RTEL1: variants seen among roughly 807,000 people sequenced by gnomAD.
RTEL1 encodes regulator of telomere elongation helicase 1, also known as regulator of telomere length.
A neutral mutation model predicts 162.2 loss-of-function variants in RTEL1; 86 were observed. That is an observed-to-expected ratio of 0.53 (90% confidence interval 0.45 to 0.63). The LOEUF (loss-of-function observed/expected upper bound fraction) is 0.63, where lower values mean the gene tolerates loss of function less well. Among genes scored for constraint, RTEL1 ranks in the 30% least tolerant of loss-of-function variants. The pLI, the probability that RTEL1 is intolerant of heterozygous loss-of-function variation, is 0.00. For missense variants in RTEL1, 1,941 were observed against 1,750.2 expected, an observed-to-expected ratio of 1.11 and a Z score of -1.95; for synonymous variants, 958 against 717.9, an observed-to-expected ratio of 1.33 and a Z score of -5.35.
intron 30 of RTEL1, 73 bp from the exon 31 acceptor site, chr20:63,694,299 G>GGCCAGCCC: frequency 1.2e-6 from 1 of 841,720 alleles, no homozygotes; most frequent in Non-Finnish European, 2.0e-6. Context: ...TCCCTAGCCA[G>GGCCAGCCC]CCCTGCCCCC....
rs779999962 is a variant in RTEL1, at chr20:63,695,187, G to A, written c.3465G>A (p.Val1155=). ...PPGPQEERLA[V]PPVLTHRAPQ... is the part of the protein sequence containing the mutation. ...GACCCCAGGAGGAGAGGCTTGCCGT[G>A]CCTCCTGTGCTTACCCACAGGGCTC... The change falls in exon 33 of 35, where the codon GTG becomes GTA. Residue 1155 remains valine, a synonymous_variant. Coordinates refer to ENST00000360203, the MANE Select transcript of RTEL1 (RefSeq NM_001283009.2). The A allele has an allele frequency of 3.4e-5, 55 of 1,612,060 alleles. No individual in the cohort carries two copies. In the East Asian group the frequency reaches 1.2e-3, roughly 35 times the overall value.
rs1451108755 is a variant in RTEL1, at chr20:63,689,741, G to A, written c.2026-9G>A. On this transcript the variant is annotated splice_polypyrimidine_tract_variant and intron_variant, in intron 23 of 34. Transcript: ENST00000360203. ...GGAGCCCCCGTGACCGAGCCGCCTC[G>A]CCCCACAGTTCCTCTCTGGGCAGGA... The A allele has an allele frequency of 2.5e-6, 4 of 1,610,160 alleles. No homozygotes were observed. Among genetic ancestry groups the A allele is most frequent in the East Asian group, 2.2e-5 (1 of 44,812 alleles).
In RTEL1 at chr20:63,689,482, C is replaced by T; in HGVS notation, c.1879-20C>T. 1 of 1,547,348 alleles carries T rather than the reference C, an allele frequency of 6.5e-7. No individual in the cohort carries two copies. The highest frequency in any genetic ancestry group is 8.7e-7 in the Non-Finnish European group (1 of 1,146,450). On this transcript the variant is annotated intron_variant, in intron 22 of 34. Transcript: ENST00000360203. ...GAGGAGCCCCCACGGCCCCAGGCAGCTCCCTGGTGTGTCCCCTAGGCCAGC... is the reference window on the plus strand; with the variant it reads ...GAGGAGCCCCCACGGCCCCAGGCAGTTCCCTGGTGTGTCCCCTAGGCCAGC...
At chr20:63,671,268 C>G (rs896077493) in intron 8 of RTEL1, among the ~76,000 whole-genome samples, 1 of 151,622 alleles carries the variant, frequency 6.6e-6, no homozygotes, top group African/African-American at 2.4e-5. Flanking sequence ...GCCATGTTGG[C>G]CAGGCTGGTC....
chr20:63,678,230 CCTT>C, intron 11 of RTEL1, 35 bp from the exon 12 acceptor site: 1 of 1,613,078 alleles, frequency 6.2e-7, no homozygotes, highest in South Asian at 1.1e-5. Context: ...GGGGCCTCCT[CCTT>C]GCGAGGAGGT....
chr20:63,684,117 A>G (rs1244292145), intron 14 of RTEL1, among the ~76,000 whole-genome samples: 1 of 152,012 alleles, frequency 6.6e-6, no homozygotes, highest in Non-Finnish European at 1.5e-5. Context: ...TATTCTCCAA[A>G]CTGCACTGTA....
intron 10 of RTEL1, among the ~76,000 whole-genome samples, chr20:63,676,076 C>G (rs920308603): frequency 2.6e-5 from 4 of 152,072 alleles, no homozygotes; most frequent in Non-Finnish European, 5.9e-5. Flanking sequence ...ATCTGTTCCC[C>G]CACCCCTTTG....
At chr20:63,673,136 A>G (rs2090279539) in intron 9 of RTEL1, among the ~76,000 whole-genome samples, 2 of 151,898 alleles carry the variant, frequency 1.3e-5, no homozygotes, top group South Asian at 2.1e-4. Context: ...GCTCATGCCT[A>G]TAATCCCAGC....
rs1213062669 is a variant in RTEL1 at position 63,695,957 on chromosome 20, T to C, written c.*99T>C. ...CCACCCAACAGAATAGGCCAGCCCA[T>C]GCCAGCCGGCTTGGCCCGCTGCAGG... On this transcript the variant is annotated 3_prime_UTR_variant, in exon 35 of 35. Coordinates refer to ENST00000360203, the MANE Select transcript of RTEL1 (RefSeq NM_001283009.2). 1.4e-4 allele frequency: 173 copies of C among 1,254,256 alleles called. No individual in the cohort carries two copies. Among genetic ancestry groups the C allele is most frequent in the Non-Finnish European group, 1.8e-4 (166 of 907,504 alleles). 77.7% of individuals were successfully genotyped at this position (1,254,256 alleles called of 1,614,324 possible).
At chr20:63,663,612 A>G (rs1166228414) in intron 6 of RTEL1, among the ~76,000 whole-genome samples, 1 of 152,000 alleles carries the variant, frequency 6.6e-6, no homozygotes, top group Non-Finnish European at 1.5e-5. Context: ...GGCAGGGTGC[A>G]CCCCCGTTGG....
At chr20:63,692,464 C>T in intron 28 of RTEL1, 1 of 382,492 alleles carries the variant, frequency 2.6e-6, no homozygotes, top group Non-Finnish European at 4.9e-6. Flanking sequence ...TCCTGGGAGC[C>T]TCAGCCGCAT....
chr20:63,685,863 A>G lies in RTEL1; in HGVS notation c.1339A>G (p.Arg447Gly). The G allele has an allele frequency of 6.2e-7, 1 of 1,612,552 alleles. No homozygotes were observed. The highest frequency in any genetic ancestry group is 1.1e-5 in the South Asian group (1 of 91,000). ...RSDAWSTTAARKRGKVLSYWC... is the reference protein window; with the variant it reads ...RSDAWSTTAAGKRGKVLSYWC... ...TGATGCCTGGAGCACCACTGCAGCC[A>G]GAAAGCGAGGTACAGACCTGGGCCC... The change falls in exon 16 of 35, where the codon AGA (arginine) becomes GGA (glycine). Residue 447 changes from arginine to glycine, a missense_variant. Physicochemically the swap from Arg to Gly is moderately radical, Grantham distance 125. Coordinates refer to ENST00000360203, the MANE Select transcript of RTEL1 (RefSeq NM_001283009.2).
intron 26 of RTEL1, 150 bp downstream of exon 26, chr20:63,690,591 C>T: frequency 8.2e-7 from 1 of 1,212,678 alleles, no homozygotes; most frequent in Non-Finnish European, 1.1e-6. Flanking sequence ...CCTCCTAGGG[C>T]AGGGCCCCCA....
Position 63,689,495 on chromosome 20 carries a change from C to G in RTEL1, c.1879-7C>G. On this transcript the variant is annotated splice_polypyrimidine_tract_variant and splice_region_variant and intron_variant, in intron 22 of 34. Transcript: ENST00000360203. Reference sequence around the variant, plus strand: ...GGCCCCAGGCAGCTCCCTGGTGTGTCCCCTAGGCCAGCGAGGGGCTGGACT... The same window carrying G: ...GGCCCCAGGCAGCTCCCTGGTGTGTGCCCTAGGCCAGCGAGGGGCTGGACT... 1 of 1,581,206 alleles carries G rather than the reference C, an allele frequency of 6.3e-7. No individual in the cohort carries two copies. Among genetic ancestry groups the G allele is most frequent in the Non-Finnish European group, 8.6e-7 (1 of 1,164,260 alleles).
At position 63,694,477 on chromosome 20, in the gene RTEL1, C is replaced by G. The variant is rs2090916448; in HGVS notation, c.3098C>G (p.Pro1033Arg). The change falls in exon 31 of 35, where the codon CCA becomes CGA. Residue 1033 changes from proline (P) to arginine (R), a missense_variant. Coordinates refer to ENST00000360203, the MANE Select transcript of RTEL1 (RefSeq NM_001283009.2). ...GGCAGGCCCCACCTGTCGCCCAGGC[C>G]ACCCCCAACAGGTAGCTGACTCCTG... is the stretch of plus-strand genomic sequence containing the variant. The part of the protein sequence containing the change: ...NQGRPHLSPR[P>R]PPTGDPGSQP... The G allele has an allele frequency of 6.3e-7, 1 of 1,598,672 alleles. No individual in the cohort carries two copies. Among genetic ancestry groups the G allele is most frequent in the African/African-American group, 1.3e-5 (1 of 74,660 alleles).
chr20:63,694,484 A>G lies in RTEL1; in HGVS notation c.3105A>G (p.Pro1035=). 2 of 1,595,368 alleles carry G rather than the reference A, an allele frequency of 1.3e-6. No homozygotes were observed. Among genetic ancestry groups the G allele is most frequent in the Non-Finnish European group, 1.7e-6 (2 of 1,165,966 alleles). Residue 1035 remains proline, a synonymous_variant, in exon 31 of 35, where the codon CCA becomes CCG. Transcript: ENST00000360203. The part of the protein sequence containing the change: ...GRPHLSPRPP[P]TGDPGSQPQW... ...CCCACCTGTCGCCCAGGCCACCCCC[A>G]ACAGGTAGCTGACTCCTGAACCGTG...
intron 2 of RTEL1, among the ~76,000 whole-genome samples, chr20:63,660,460 A>G (rs1022390525): frequency 5.3e-5 from 8 of 152,226 alleles, no homozygotes; most frequent in Non-Finnish European, 1.2e-4. Context: ...GCCTGTAAAC[A>G]TATTGTTAAC....
chr20:63,689,955 G>A (rs1003451706), intron 24 of RTEL1, 90 bp downstream of exon 24: 79 of 1,551,542 alleles, frequency 5.1e-5, no homozygotes, highest in Middle Eastern at 3.7e-4. Context: ...ATGAGGCCCC[G>A]TCTCCTCCAG....
intron 14 of RTEL1, chr20:63,681,930 C>T (rs1245333744): frequency 1.7e-5 from 17 of 985,292 alleles, no homozygotes; most frequent in East Asian, 1.1e-4. Context: ...TGTGCTGTCC[C>T]GCATGGAGTG....
Sources: allele counts gnomAD v4.1 joint callset (sites outside exome capture counted in the v4.1 genomes callset), GRCh38; gene constraint gnomAD v4.1.1; transcripts MANE v1.5; gene names NCBI Gene and HGNC (gene_info 2026-07-23, HGNC 2026-07-21).